USP3: variants seen among roughly 807,000 people sequenced by gnomAD.
USP3 encodes ubiquitin carboxyl-terminal hydrolase 3.
Under a neutral mutation model 72.3 loss-of-function variants are expected in USP3, and 20 were observed. The ratio of observed to expected loss-of-function variants is 0.28; its 90% CI spans 0.19 to 0.40. USP3 has a LOEUF of 0.40. Among genes scored for constraint, USP3 ranks in the 10% least tolerant of loss-of-function variants. The pLI is 1.00. For synonymous variants in USP3, 222 were observed against 225.3 expected (o/e 0.99, Z 0.13); for missense variants, 479 against 633.9 (o/e 0.76, Z 2.62).
chr15:63,563,063 C>G (rs2066633024), intron 8 of USP3, 55 bp downstream of exon 8: 2 of 1,210,802 alleles, frequency 1.7e-6, no homozygotes. Context: ...TATACTGTTC[C>G]TGAAATAATT....
chr15:63,533,290 G>C (rs532631506), intron 2 of USP3, among the ~76,000 whole-genome samples: 92 of 152,164 alleles, frequency 6.0e-4, no homozygotes, highest in South Asian at 5.2e-3. Context: ...TAATTCCTAA[G>C]ATATACCAAA....
At chr15:63,531,711 A>T (rs911505219) in intron 1 of USP3, among the ~76,000 whole-genome samples, 4 of 152,170 alleles carry the variant, frequency 2.6e-5, no homozygotes, top group Non-Finnish European at 4.4e-5. Context: ...CTCTTCCACA[A>T]ATATTTATTG....
chr15:63,537,127 T>C lies in USP3; in HGVS notation c.255T>C (p.Cys85=), dbSNP rs1425925955. Residue 85 remains cysteine, a synonymous_variant, in exon 3 of 15, where the codon TGT becomes TGC. Transcript: ENST00000380324. ...EKQDKVQHTV[C]MDCSSYSTYC... ...AAGATAAAGTTCAGCACACAGTATG[T>C]ATGGATTGCAGTAGCTACAGTACAT... is the stretch of plus-strand genomic sequence containing the variant. 6.2e-7 allele frequency: 1 copy of C among 1,614,058 alleles called. No homozygotes were observed. The highest frequency in any genetic ancestry group is 1.3e-5 in the African/African-American group (1 of 75,058).
At position 63,529,567 on chromosome 15, in the gene USP3, G is replaced by T. The variant is rs1312344143; in HGVS notation, c.92-3080G>T. On this transcript the variant is annotated intron_variant, in intron 1 of 14. Transcript: ENST00000380324. The surrounding 1 kb of genome is among the most constrained non-coding windows in gnomAD (Gnocchi z 4.2). The stretch of plus-strand genomic sequence containing the variant: ...AAAAAAATTAAAGCCTTGTGAGATA[G>T]TTGATATTATAAGACTAGCTTTATA... Among the ~76,000 whole-genome samples, 1 of 152,116 alleles carries T rather than the reference G, an allele frequency of 6.6e-6. No individual in the cohort carries two copies. Among genetic ancestry groups the T allele is most frequent in the Admixed American group, 6.5e-5 (1 of 15,274 alleles).
intron 11 of USP3, among the ~76,000 whole-genome samples, chr15:63,580,662 T>TATATATATATATATATA (rs2066940334): frequency 1.4e-5 from 1 of 69,726 alleles, no homozygotes; most frequent in African/African-American, 6.9e-5. Context: ...GAATATATAA[T>TATATATATATATATATA]ATATATATGA....
intron 3 of USP3, chr15:63,551,783 G>A (rs1242429518): frequency 6.6e-6 from 1 of 152,164 alleles, no homozygotes; most frequent in Admixed American, 6.5e-5. Context: ...GTATTCCTCA[G>A]TTGCAGTAGC....
chr15:63,544,407 C>G lies in USP3; in HGVS notation c.284+7251C>G. The G allele has an allele frequency of 2.8e-6, 1 of 354,522 alleles. No homozygotes were observed. Among genetic ancestry groups the G allele is most frequent in the South Asian group, 4.3e-5 (1 of 23,254 alleles). 22.0% of individuals were successfully genotyped at this position (354,522 alleles called of 1,614,324 possible). Reference sequence around the variant, plus strand: ...GGTAGAAAGAAAGTAACTTTATTAACCAAAACTAGTGAAAGGGGAAGTAGC... The same window carrying G: ...GGTAGAAAGAAAGTAACTTTATTAAGCAAAACTAGTGAAAGGGGAAGTAGC... On this transcript the variant is annotated intron_variant, in intron 3 of 14. Coordinates refer to ENST00000380324, the MANE Select transcript of USP3 (RefSeq NM_006537.4). This position sits in a 1 kb window ranked among gnomAD's most constrained non-coding sequence, Gnocchi z 4.2.
intron 4 of USP3, 122 bp from the exon 5 acceptor site, chr15:63,556,545 A>G (rs2066511942): frequency 9.5e-6 from 6 of 633,086 alleles, no homozygotes; most frequent in Non-Finnish European, 1.6e-5. Context: ...AGTAGGCCTG[A>G]CGAAGCAGTC....
In USP3 at chr15:63,590,810, G is replaced by A. The variant is rs1306212576; in HGVS notation, c.1547G>A (p.Gly516Glu). The change falls in exon 15 of 15, where the codon GGA (glycine) becomes GAA (glutamate). Residue 516 changes from glycine (G) to glutamate (E), a missense_variant. Coordinates refer to ENST00000380324, the MANE Select transcript of USP3 (RefSeq NM_006537.4). ...TACGTGGAACACCAGGCCAAAGCTG[G>A]ATCGGATAAACTTTAATACCTCCTC... ...LFYVEHQAKA[G>E]SDKL 1 of 1,612,866 alleles carries A rather than the reference G, an allele frequency of 6.2e-7. No homozygotes were observed. Among genetic ancestry groups the A allele is most frequent in the Admixed American group, 1.7e-5 (1 of 59,722 alleles).
rs560839795 is a variant in USP3, at chr15:63,590,923, T to C, written c.*97T>C. On this transcript the variant is annotated 3_prime_UTR_variant, in exon 15 of 15. Transcript: ENST00000380324. ...AAGATTTAATTTCATTATGCACTTT[T>C]CAATTTCCTATTTTGGATTTAGTTT... 2 of 1,387,356 alleles carry C rather than the reference T, an allele frequency of 1.4e-6. No homozygotes were observed. The highest frequency in any genetic ancestry group is 2.8e-5 in the Admixed American group (1 of 35,490). The allele number at this position is 1,387,356 out of a possible 1,614,324, so 85.9% of individuals were successfully genotyped here. A position where few individuals can be genotyped will look rare whatever the true frequency, so the allele number is the denominator to read the frequency against.
chr15:63,553,488 G>C lies in USP3; in HGVS notation c.285-227G>C. 1 of 371,696 alleles carries C rather than the reference G, an allele frequency of 2.7e-6. No homozygotes were observed. Among genetic ancestry groups the C allele is most frequent in the Non-Finnish European group, 4.8e-6 (1 of 207,076 alleles). The allele number at this position is 371,696 out of a possible 1,614,324, so 23.0% of individuals were successfully genotyped here. A position where few individuals can be genotyped will look rare whatever the true frequency, so the allele number is the denominator to read the frequency against. On this transcript the variant is annotated intron_variant, in intron 3 of 14. Coordinates refer to ENST00000380324, the MANE Select transcript of USP3 (RefSeq NM_006537.4). This position sits in a 1 kb window ranked among gnomAD's most constrained non-coding sequence, Gnocchi z 4.2. ...TCAAAGGAGGAATTGAAGAGCTTTT[G>C]AGTAAAAAACGTGAAAAGAAGCTCA...
At chr15:63,519,229 G>A (rs781680776) in intron 1 of USP3, among the ~76,000 whole-genome samples, 19 of 152,098 alleles carry the variant, frequency 1.2e-4, no homozygotes, top group South Asian at 2.1e-4. Flanking sequence ...AGCCACCCTG[G>A]ATCTAATCCA....
chr15:63,505,443 G>A (rs1367336476), intron 1 of USP3, among the ~76,000 whole-genome samples: 1 of 152,228 alleles, frequency 6.6e-6, no homozygotes, highest in Admixed American at 6.5e-5. Context: ...TCATCCGTCA[G>A]GGATGGTGAA....
chr15:63,564,388 T>G (rs1189065568), intron 8 of USP3, among the ~76,000 whole-genome samples: 1 of 152,204 alleles, frequency 6.6e-6, no homozygotes, highest in Non-Finnish European at 1.5e-5. Context: ...TTTGTGGAGT[T>G]GGCTAATAAT....
rs2067235661 is a variant in USP3, at chr15:63,593,185, G to A, written c.*2359G>A. 6.6e-6 allele frequency: 1 copy of A among 152,196 alleles called. No homozygotes were observed. 9.4% of individuals were successfully genotyped at this position (152,196 alleles called of 1,614,324 possible). ...ATGTGTGCTTAAATTAATTTACAAT[G>A]CTAAATTATATTAGGTTAAACTGTA... is the stretch of plus-strand genomic sequence containing the variant. On this transcript the variant is annotated 3_prime_UTR_variant, in exon 15 of 15. Coordinates refer to ENST00000380324, the MANE Select transcript of USP3 (RefSeq NM_006537.4).
chr15:63,540,656 C>T (rs2066231567), intron 3 of USP3, among the ~76,000 whole-genome samples: 3 of 152,100 alleles, frequency 2.0e-5, no homozygotes, highest in Admixed American at 2.0e-4. Flanking sequence ...TGCCCCTCCA[C>T]CTTGATGTAA....
chr15:63,575,157 G>GT (rs1566914345), intron 11 of USP3, among the ~76,000 whole-genome samples: 17 of 100,866 alleles, frequency 1.7e-4, no homozygotes, highest in African/African-American at 7.8e-4. Flanking sequence ...TTGTCATGAT[G>GT]GTTTTTTTTT....
chr15:63,574,429 A>T lies in USP3; in HGVS notation c.1096+26A>T, dbSNP rs1291246827. On this transcript the variant is annotated intron_variant, in intron 11 of 14. Coordinates refer to ENST00000380324, the MANE Select transcript of USP3 (RefSeq NM_006537.4). This position sits in a 1 kb window ranked among gnomAD's most constrained non-coding sequence, Gnocchi z 4.6. ...GTAAAGATACTTGAATGTTCTAAAAATTTTTTTCTTTAAATAATTGAATAG... is the reference window on the plus strand; with the variant it reads ...GTAAAGATACTTGAATGTTCTAAAATTTTTTTTCTTTAAATAATTGAATAG... 10 of 1,567,214 alleles carry T rather than the reference A, an allele frequency of 6.4e-6. No individual in the cohort carries two copies. The highest frequency in any genetic ancestry group is 3.4e-4 in the Middle Eastern group (2 of 5,838).
chr15:63,559,781 T>C, intron 6 of USP3, 76 bp from the exon 7 acceptor site: 2 of 1,268,124 alleles, frequency 1.6e-6, no homozygotes, highest in Admixed American at 2.4e-5. Flanking sequence ...TCAAAATGTA[T>C]ATGTAGGCTT....
Sources: allele counts gnomAD v4.1 joint callset (sites outside exome capture counted in the v4.1 genomes callset), GRCh38; gene constraint gnomAD v4.1.1; non-coding constraint Gnocchi (gnomAD v3.1); transcripts MANE v1.5; gene names NCBI Gene and HGNC (gene_info 2026-07-23, HGNC 2026-07-21).